GMDS: variants seen among roughly 807,000 people sequenced by gnomAD.
GMDS encodes the protein GDP-mannose 4,6-dehydratase.
A neutral mutation model predicts 49.9 loss-of-function variants in GMDS; 20 were observed. The ratio of observed to expected loss-of-function variants is 0.40; its 90% CI spans 0.28 to 0.58. The LOEUF (loss-of-function observed/expected upper bound fraction) is 0.58, where lower values mean the gene tolerates loss of function less well. Ranked by LOEUF, GMDS falls within the 20% of genes least tolerant of loss-of-function variation. The pLI is 0.42. For missense variants in GMDS, 362 were observed against 481.4 expected, an observed-to-expected ratio of 0.75 and a Z score of 2.32; for synonymous variants, 177 against 178.6, an observed-to-expected ratio of 0.99 and a Z score of 0.07.
intron 9 of GMDS, among the ~76,000 whole-genome samples, chr6:1,714,080 T>C (rs534145807): frequency 6.6e-6 from 1 of 152,306 alleles, no homozygotes; most frequent in South Asian, 2.1e-4. Flanking sequence ...TGCAGTGGCA[T>C]GATCTTGGCT....
intron 7 of GMDS, among the ~76,000 whole-genome samples, chr6:1,756,855 T>C (rs1032274480): frequency 6.6e-6 from 1 of 152,190 alleles, no homozygotes; most frequent in Non-Finnish European, 1.5e-5. Context: ...CCACAAAGCA[T>C]CCTAAGGCCT....
chr6:1,893,313 C>T (rs1286307830), intron 7 of GMDS, among the ~76,000 whole-genome samples: 2 of 151,500 alleles, frequency 1.3e-5, no homozygotes, highest in Admixed American at 1.3e-4. Flanking sequence ...CCTGCCTCTG[C>T]CTCCTGAGTA....
intron 9 of GMDS, among the ~76,000 whole-genome samples, chr6:1,722,960 C>T (rs1210709636): frequency 2.0e-5 from 3 of 152,108 alleles, no homozygotes; most frequent in African/African-American, 7.2e-5. Flanking sequence ...GGTAACAAAC[C>T]CCTGTAGGCA....
At chr6:2,152,461 G>A (rs962741495) in intron 1 of GMDS, among the ~76,000 whole-genome samples, 15 of 151,994 alleles carry the variant, frequency 9.9e-5, no homozygotes, top group African/African-American at 3.6e-4. Flanking sequence ...ATTTAAAAAT[G>A]ATAACATTCA....
intron 4 of GMDS, among the ~76,000 whole-genome samples, chr6:2,032,239 C>T (rs1252794721): frequency 6.6e-6 from 1 of 152,164 alleles, no homozygotes. Context: ...AGCTATTCCT[C>T]AGTCTCTCTG....
At chr6:2,155,320 CTA>C (rs1282671538) in intron 1 of GMDS, among the ~76,000 whole-genome samples, 2 of 152,052 alleles carry the variant, frequency 1.3e-5, no homozygotes, top group African/African-American at 2.4e-5. Context: ...GCAAAAAAGA[CTA>C]TGATTTTTCC....
intron 9 of GMDS, among the ~76,000 whole-genome samples, chr6:1,709,202 G>C (rs775896964): frequency 2.0e-5 from 3 of 152,242 alleles, no homozygotes; most frequent in Non-Finnish European, 2.9e-5. Context: ...TACAGAACCA[G>C]AGTGCCAGCC....
intron 1 of GMDS, among the ~76,000 whole-genome samples, chr6:2,146,552 C>CCCT (rs1336068891): frequency 6.6e-6 from 1 of 152,164 alleles, no homozygotes; most frequent in Non-Finnish European, 1.5e-5. Context: ...ACTCTTGTAG[C>CCCT]CCTAAAGCTT....
intron 4 of GMDS, among the ~76,000 whole-genome samples, chr6:2,003,897 A>C (rs1263864098): frequency 6.6e-6 from 1 of 152,086 alleles, no homozygotes; most frequent in Non-Finnish European, 1.5e-5. Context: ...TTTTGCACTA[A>C]ATTTCTGGTA....
rs79532934 is a variant in GMDS, at chr6:1,916,459, A to C, written c.771+13644T>G. 8.9e-3 allele frequency among the ~76,000 whole-genome samples: 1,350 copies of C among 151,762 alleles called. 12 individuals carry two copies. Among genetic ancestry groups the C allele is most frequent in the African/African-American group, 0.031 (1,277 of 41,382 alleles). On this transcript the variant is annotated intron_variant, in intron 7 of 10. Transcript: ENST00000380815. ...AGGGAGAGAGAGAGGAGATGAGCTG[A>C]AGGGAGGGGAAGGGAAAGGAGGGAA...
At chr6:1,763,241 C>T (rs992444023) in intron 7 of GMDS, among the ~76,000 whole-genome samples, 1 of 152,120 alleles carries the variant, frequency 6.6e-6, no homozygotes, top group Non-Finnish European at 1.5e-5. Flanking sequence ...CTAGGTCAGC[C>T]CCATTGCTCT....
At chr6:1,673,747 T>C (rs1006891454) in intron 9 of GMDS, among the ~76,000 whole-genome samples, 4 of 152,036 alleles carry the variant, frequency 2.6e-5, no homozygotes, top group African/African-American at 7.2e-5. Flanking sequence ...ACTCTCTCCA[T>C]AGTTTCGCCT....
chr6:2,030,771 T>C (rs972593339), intron 4 of GMDS, among the ~76,000 whole-genome samples: 7 of 152,192 alleles, frequency 4.6e-5, no homozygotes, highest in Admixed American at 6.5e-5. Context: ...AAAACTGTTA[T>C]AAAGTGGTTC....
chr6:2,139,188 C>A (rs1776157648), intron 1 of GMDS, among the ~76,000 whole-genome samples: 1 of 152,104 alleles, frequency 6.6e-6, no homozygotes, highest in African/African-American at 2.4e-5. Flanking sequence ...TCTTGTACCC[C>A]AAAAGCTATT....
chr6:2,066,619 C>T (rs1216056463), intron 4 of GMDS, among the ~76,000 whole-genome samples: 2 of 152,028 alleles, frequency 1.3e-5, no homozygotes, highest in Admixed American at 1.3e-4. Context: ...CAATCCTAGT[C>T]TCTGATAAAA....
intron 7 of GMDS, among the ~76,000 whole-genome samples, chr6:1,915,637 CA>C (rs1241523431): frequency 6.6e-6 from 1 of 152,202 alleles, no homozygotes; most frequent in Non-Finnish European, 1.5e-5. Context: ...ATGTGGGAGG[CA>C]GAGAGAGCAT....
chr6:1,729,905 C>T (rs974014622), intron 8 of GMDS, among the ~76,000 whole-genome samples: 7 of 152,132 alleles, frequency 4.6e-5, no homozygotes, highest in Non-Finnish European at 7.3e-5. Context: ...CTACTCAACT[C>T]GGCATTCCTT....
chr6:2,134,902 C>T (rs1775917385), intron 1 of GMDS, among the ~76,000 whole-genome samples: 1 of 152,116 alleles, frequency 6.6e-6, no homozygotes, highest in Non-Finnish European at 1.5e-5. Flanking sequence ...CCTGTAATTT[C>T]TTATAGTTGC....
At chr6:1,782,136 T>C (rs1373139263) in intron 7 of GMDS, among the ~76,000 whole-genome samples, 1 of 152,216 alleles carries the variant, frequency 6.6e-6, no homozygotes, top group Non-Finnish European at 1.5e-5. Context: ...TGACCCAGTT[T>C]AGTCCAGACT....
Sources: gnomAD v4.1 joint callset for allele counts (sites outside exome capture counted in the v4.1 genomes callset) on GRCh38, gnomAD v4.1.1 for gene constraint, MANE v1.5 for transcripts, NCBI Gene and HGNC (gene_info 2026-07-23, HGNC 2026-07-21) for gene names.